Variants in SETX observed in about 807,000 individuals in gnomAD.
SETX encodes helicase senataxin.
A neutral mutation model predicts 227.2 loss-of-function variants in SETX; 90 were observed. That is an observed-to-expected ratio of 0.40 (90% CI 0.33 to 0.47). The LOEUF is 0.47. SETX is among the 20% of genes least tolerant of loss of function. The pLI, the probability that SETX is intolerant of heterozygous loss-of-function variation, is 0.91. For synonymous variants in SETX, 1,210 were observed against 1,113.2 expected (o/e 1.09, Z -1.73); for missense variants, 3,052 against 3,181.5 (o/e 0.96, Z 0.98).
chr9:132,301,061 A>C (rs978681650), intron 11 of SETX, among the ~76,000 whole-genome samples: 6 of 151,016 alleles, frequency 4.0e-5, no homozygotes, highest in African/African-American at 1.5e-4. Flanking sequence ...GTAGCTAATA[A>C]ATTTTCTTTC....
chr9:132,319,567 A>G (rs916960763), intron 10 of SETX, among the ~76,000 whole-genome samples: 4 of 152,180 alleles, frequency 2.6e-5, no homozygotes, highest in African/African-American at 9.7e-5. Flanking sequence ...GTTAAGACTC[A>G]GTTCCCATCT....
Position 132,329,595 on chromosome 9 carries a change from T to C in SETX, c.2003A>G (p.Asn668Ser), listed in dbSNP as rs780898043. The C allele has an allele frequency of 3.9e-5, 63 of 1,613,752 alleles. No homozygotes were observed. The highest frequency in any genetic ancestry group is 1.6e-4 in the Middle Eastern group (1 of 6,082). ...ATCCTTTATATAATTTTGCTCATTA[T>C]TGTCACCTTCTATAGTGTTATCTGC... ...IKADNTIEGD[N>S]NEQNYIKDVK... Residue 668 changes from asparagine (N) to serine (S), a missense_variant, in exon 10 of 26, where the codon AAT (asparagine) becomes AGT (serine). Coordinates refer to ENST00000224140, the MANE Select transcript of SETX (RefSeq NM_015046.7).
At chr9:132,331,568 CA>C in intron 7 of SETX, 120 bp from the exon 8 acceptor site, 1 of 1,115,422 alleles carries the variant, frequency 9.0e-7, no homozygotes, top group Non-Finnish European at 1.3e-6. Flanking sequence ...AGCCAAGGAG[CA>C]AATAATTTAA....
At chr9:132,306,072 C>T (rs962893444) in intron 11 of SETX, among the ~76,000 whole-genome samples, 8 of 152,174 alleles carry the variant, frequency 5.3e-5, no homozygotes, top group African/African-American at 1.9e-4. Context: ...CAGGATTCTT[C>T]ATCTCCTTAC....
chr9:132,348,378 C>CAAA (rs112086483), intron 3 of SETX, among the ~76,000 whole-genome samples: 1 of 135,108 alleles, frequency 7.4e-6, no homozygotes, highest in Non-Finnish European at 1.5e-5. Context: ...AAAAACAAAA[C>CAAA]AAAAAAAAAA....
rs151237267 is a variant in SETX, at chr9:132,326,843, A to C, written c.4755T>G (p.Pro1585=). ...GTCTCAAAGGTTTAGATGCAGGAGG[A>C]GGCAAGCCAGGTTTACGAAATACAT... ...DEDVFRKPGL[P]PPASKPLRPT... The change falls in exon 10 of 26, where the codon CCT becomes CCG. Residue 1585 remains proline (P), a synonymous_variant. Transcript: ENST00000224140. 11,609 of 1,614,212 alleles carry C rather than the reference A, an allele frequency of 7.2e-3. 75 individuals are homozygous for C. Among genetic ancestry groups the C allele is most frequent in the Middle Eastern group, 0.013 (80 of 6,062 alleles).
At chr9:132,317,903 T>C (rs1235056335) in intron 10 of SETX, among the ~76,000 whole-genome samples, 1 of 152,240 alleles carries the variant, frequency 6.6e-6, no homozygotes, top group Non-Finnish European at 1.5e-5. Context: ...TTCAGTTATA[T>C]TCCCTTGGCA....
intron 2 of SETX, among the ~76,000 whole-genome samples, chr9:132,353,319 C>T (rs895979892): frequency 6.6e-6 from 1 of 152,168 alleles, no homozygotes; most frequent in African/African-American, 2.4e-5. Context: ...GAAACCCACC[C>T]TCCTACCTCT....
At chr9:132,322,385 T>C (rs1333403636) in intron 10 of SETX, among the ~76,000 whole-genome samples, 1 of 152,040 alleles carries the variant, frequency 6.6e-6, no homozygotes, top group Non-Finnish European at 1.5e-5. Context: ...GCAATCCCAA[T>C]TCCCCCCTCC....
intron 12 of SETX, among the ~76,000 whole-genome samples, chr9:132,299,217 C>T (rs1286004900): frequency 6.6e-6 from 1 of 152,068 alleles, no homozygotes; most frequent in Non-Finnish European, 1.5e-5. Flanking sequence ...AGTGAGGCCC[C>T]AATTAACAAG....
intron 15 of SETX, among the ~76,000 whole-genome samples, chr9:132,288,893 G>A (rs1305897514): frequency 6.6e-6 from 1 of 152,134 alleles, no homozygotes; most frequent in Non-Finnish European, 1.5e-5. Context: ...AGGTTAGCAA[G>A]GCCATCTAAA....
At chr9:132,273,281 C>G (rs1842986646) in intron 23 of SETX, among the ~76,000 whole-genome samples, 2 of 152,198 alleles carry the variant, frequency 1.3e-5, no homozygotes, top group Middle Eastern at 6.8e-3. Context: ...TCCTGCCTCA[C>G]CCTCCAGAGT....
In SETX at chr9:132,329,243, A is replaced by G; in HGVS notation, c.2355T>C (p.Asp785=). The G allele has an allele frequency of 6.2e-7, 1 of 1,613,940 alleles. No homozygotes were observed. The change falls in exon 10 of 26, where the codon GAT becomes GAC. Residue 785 remains aspartate (D), a synonymous_variant. Coordinates refer to ENST00000224140, the MANE Select transcript of SETX (RefSeq NM_015046.7). ...CATGTGATAACTTTGCACAGATTTC[A>G]TCTTTCTGTACCTTAGTTTTTCGTT... The part of the protein sequence containing the change: ...TSKRKTKVQK[D]EICAKLSHVI...
chr9:132,320,106 G>A (rs954683544), intron 10 of SETX, among the ~76,000 whole-genome samples: 7 of 152,088 alleles, frequency 4.6e-5, no homozygotes, highest in Middle Eastern at 3.4e-3. Context: ...TCTTCTTCCC[G>A]TCACATCAAT....
Position 132,264,996 on chromosome 9 carries a change from TGAG to T in SETX, c.7288-14_7288-12del. ...CCAATGCTGGTTTTCCTTGAAACAA[TGAG>T]AAGGGAGAAATAATTACACCCCAAA... On this transcript the variant is annotated splice_polypyrimidine_tract_variant and intron_variant, in intron 25 of 25. Coordinates refer to ENST00000224140, the MANE Select transcript of SETX (RefSeq NM_015046.7). The T allele has an allele frequency of 6.2e-7, 1 of 1,612,174 alleles. No homozygotes were observed. Among genetic ancestry groups the T allele is most frequent in the South Asian group, 1.1e-5 (1 of 91,032 alleles).
chr9:132,341,190 C>T (rs115320481), intron 5 of SETX, among the ~76,000 whole-genome samples: 2,364 of 151,928 alleles, frequency 0.016, 57 homozygotes, highest in African/African-American at 0.054. Flanking sequence ...CTACTTCCGG[C>T]GTGGGCAACA....
chr9:132,309,667 C>T (rs527388242), intron 11 of SETX, among the ~76,000 whole-genome samples: 2 of 151,922 alleles, frequency 1.3e-5, no homozygotes, highest in African/African-American at 4.8e-5. Context: ...GGCACAAGAC[C>T]CCATCTCTAT....
chr9:132,356,328 G>A (rs1031598559), upstream of SETX, among the ~76,000 whole-genome samples: 2 of 152,006 alleles, frequency 1.3e-5, no homozygotes, highest in African/African-American at 4.8e-5. Flanking sequence ...TCAGCCTCCC[G>A]AGTAGCTGGG....
chr9:132,308,916 A>G (rs1169908257), intron 11 of SETX, among the ~76,000 whole-genome samples: 1 of 152,168 alleles, frequency 6.6e-6, no homozygotes, highest in Non-Finnish European at 1.5e-5. Context: ...AGACGGGCAG[A>G]TAACTTGAGG....
Sources: allele counts gnomAD v4.1 joint callset (sites outside exome capture counted in the v4.1 genomes callset), GRCh38; gene constraint gnomAD v4.1.1; transcripts MANE v1.5; gene names NCBI Gene and HGNC (gene_info 2026-07-23, HGNC 2026-07-21).